Variants in RBMS1 observed in about 807,000 individuals in gnomAD.
The protein encoded by RBMS1 is RNA-binding motif, single-stranded-interacting protein 1.
RBMS1 carries 17 observed loss-of-function variants against 62.3 expected under a neutral mutation model. That is an observed-to-expected ratio of 0.27 (90% CI 0.19 to 0.41). The LOEUF (loss-of-function observed/expected upper bound fraction) is 0.41. Among genes scored for constraint, RBMS1 ranks in the 10% least tolerant of loss-of-function variants. RBMS1 has a pLI of 1.00. For missense variants in RBMS1, 334 were observed against 504.5 expected (o/e 0.66, Z 3.24); for synonymous variants, 172 against 170.0 (o/e 1.01, Z -0.09).
intron 2 of RBMS1, among the ~76,000 whole-genome samples, chr2:160,352,497 G>A (rs913389924): frequency 1.3e-5 from 2 of 152,124 alleles, no homozygotes; most frequent in African/African-American, 4.8e-5. Context: ...AATAGGAAAT[G>A]CAGGCAAATA....
At chr2:160,347,967 C>T (rs1692278345) in intron 2 of RBMS1, among the ~76,000 whole-genome samples, 1 of 151,898 alleles carries the variant, frequency 6.6e-6, no homozygotes, top group African/African-American at 2.4e-5. Context: ...AATTAAGCAC[C>T]GTCTAATGCA....
intron 1 of RBMS1, among the ~76,000 whole-genome samples, chr2:160,374,418 A>C (rs1053670759): frequency 2.0e-5 from 3 of 152,178 alleles, no homozygotes; most frequent in Admixed American, 6.5e-5. Context: ...GGAAGCTCCC[A>C]CAAGTTGATG....
At chr2:160,415,050 T>G (rs1333422340) in intron 1 of RBMS1, among the ~76,000 whole-genome samples, 1 of 152,028 alleles carries the variant, frequency 6.6e-6, no homozygotes, top group African/African-American at 2.4e-5. Context: ...GGTCCATTTT[T>G]CATATATTGT....
In RBMS1 at chr2:160,360,249, G is replaced by A. The variant is rs1004674251; in HGVS notation, c.251+6967C>T. ...GACTAAGAGAGAACCACTAAAAGTCGGTGCCTTTCATGTGTGCTCTCTCCC... is the reference window on the plus strand; with the variant it reads ...GACTAAGAGAGAACCACTAAAAGTCAGTGCCTTTCATGTGTGCTCTCTCCC... On this transcript the variant is annotated intron_variant, in intron 2 of 13. Coordinates refer to ENST00000348849, the MANE Select transcript of RBMS1 (RefSeq NM_016836.4). Among the ~76,000 whole-genome samples the A allele has an allele frequency of 3.9e-5, 6 of 152,068 alleles. No individual in the cohort carries two copies. The East Asian group carries it at 9.6e-4, about 24-fold the overall frequency.
rs1491500454 is a variant in RBMS1, at chr2:160,318,229, T to TAAAAAAAAAAAAAAAAAAAAAAAGA, written c.252-3_252-2insTCTTTTTTTTTTTTTTTTTTTTTTT. The TAAAAAAAAAAAAAAAAAAAAAAAGA allele has an allele frequency of 2.6e-6, 3 of 1,164,712 alleles. No individual in the cohort carries two copies. The highest frequency in any genetic ancestry group is 2.5e-5 in the African/African-American group (1 of 39,618). 72.1% of individuals were successfully genotyped at this position (1,164,712 alleles called of 1,614,324 possible). On this transcript the variant is annotated splice_polypyrimidine_tract_variant and splice_region_variant and intron_variant, in intron 2 of 13. Transcript: ENST00000348849. ...TTTGTGGAGACTATTTTCCCATATC[T>TAAAAAAAAAAAAAAAAAAAAAAAGA]AAAAAAAAAAAAAAAAAAAAAAAGG...
chr2:160,460,707 C>T (rs1279064161), intron 1 of RBMS1, among the ~76,000 whole-genome samples: 1 of 152,204 alleles, frequency 6.6e-6, no homozygotes, highest in Non-Finnish European at 1.5e-5. Flanking sequence ...TCTGATTTCA[C>T]TAATATATCT....
intron 1 of RBMS1, among the ~76,000 whole-genome samples, chr2:160,445,130 G>A (rs1337531468): frequency 2.6e-5 from 4 of 152,054 alleles, no homozygotes; most frequent in Admixed American, 2.0e-4. Flanking sequence ...TAGTACACTT[G>A]CCCCCTTTTA....
At chr2:160,308,707 A>G (rs1689687053) in intron 4 of RBMS1, among the ~76,000 whole-genome samples, 1 of 152,224 alleles carries the variant, frequency 6.6e-6, no homozygotes, top group Admixed American at 6.5e-5. Flanking sequence ...CTCGCCACAG[A>G]TGATGGAGGA....
intron 1 of RBMS1, among the ~76,000 whole-genome samples, chr2:160,418,632 G>A (rs562661769): frequency 1.3e-5 from 2 of 152,242 alleles, no homozygotes; most frequent in South Asian, 4.1e-4. Context: ...TCTTCCATAT[G>A]CAGCATTCCT....
intron 1 of RBMS1, among the ~76,000 whole-genome samples, chr2:160,475,020 A>G (rs75481165): frequency 6.6e-6 from 1 of 152,206 alleles, no homozygotes; most frequent in African/African-American, 2.4e-5. Flanking sequence ...AGCCTAAAAA[A>G]TCCCACTAAT....
chr2:160,396,864 T>C (rs1695172905), intron 1 of RBMS1, among the ~76,000 whole-genome samples: 1 of 152,156 alleles, frequency 6.6e-6, no homozygotes, highest in Non-Finnish European at 1.5e-5. Flanking sequence ...CGCCCAGCCG[T>C]AGGGAATGTC....
intron 1 of RBMS1, among the ~76,000 whole-genome samples, chr2:160,464,553 A>G (rs978540853): frequency 3.3e-5 from 5 of 152,224 alleles, no homozygotes; most frequent in African/African-American, 9.6e-5. Flanking sequence ...ATTAAAAAGA[A>G]AAAAGGAGGT....
intron 1 of RBMS1, among the ~76,000 whole-genome samples, chr2:160,430,514 T>A (rs949917902): frequency 1.3e-5 from 2 of 152,196 alleles, no homozygotes; most frequent in African/African-American, 4.8e-5. Context: ...ATGCTATATA[T>A]CCCTATTTTT....
intron 2 of RBMS1, among the ~76,000 whole-genome samples, chr2:160,318,592 T>C (rs890078544): frequency 5.3e-5 from 8 of 152,224 alleles, no homozygotes; most frequent in Non-Finnish European, 8.8e-5. Flanking sequence ...TGCAAGGTTA[T>C]AGAATTCTAA....
intron 1 of RBMS1, among the ~76,000 whole-genome samples, chr2:160,447,786 A>G (rs1026693502): frequency 6.6e-6 from 1 of 152,234 alleles, no homozygotes; most frequent in Non-Finnish European, 1.5e-5. Context: ...GAGATACTGC[A>G]GCATGCTCTT....
At chr2:160,426,225 GA>G (rs1164731504) in intron 1 of RBMS1, among the ~76,000 whole-genome samples, 1 of 77,984 alleles carries the variant, frequency 1.3e-5, no homozygotes, top group Non-Finnish European at 2.5e-5. Flanking sequence ...ACAGAAGAAA[GA>G]AAGAAAGAAA....
intron 1 of RBMS1, among the ~76,000 whole-genome samples, chr2:160,450,563 T>TAC (rs71006605): frequency 8.2e-6 from 1 of 122,388 alleles, no homozygotes; most frequent in Non-Finnish European, 1.6e-5. Context: ...AAATAAAAAA[T>TAC]GAAAAAAAAA....
At chr2:160,430,516 C>T (rs1298472827) in intron 1 of RBMS1, among the ~76,000 whole-genome samples, 1 of 151,936 alleles carries the variant, frequency 6.6e-6, no homozygotes, top group African/African-American at 2.4e-5. Context: ...GCTATATATC[C>T]CTATTTTTCT....
chr2:160,458,155 A>G (rs1684321622), intron 1 of RBMS1, among the ~76,000 whole-genome samples: 1 of 151,852 alleles, frequency 6.6e-6, no homozygotes, highest in African/African-American at 2.4e-5. Flanking sequence ...ATAGAGATAG[A>G]ATCTCACTTT....
Sources: allele counts gnomAD v4.1 joint callset (sites outside exome capture counted in the v4.1 genomes callset), GRCh38; gene constraint gnomAD v4.1.1; transcripts MANE v1.5; gene names NCBI Gene and HGNC (gene_info 2026-07-23, HGNC 2026-07-21).